CEP350: variants seen among roughly 807,000 people sequenced by gnomAD.
The protein encoded by CEP350 is centrosome-associated protein 350.
Under a neutral mutation model 331.8 loss-of-function variants are expected in CEP350, and 126 were observed. The ratio of observed to expected loss-of-function variants is 0.38; its 90% CI spans 0.33 to 0.44. The LOEUF (loss-of-function observed/expected upper bound fraction) is 0.44. Among genes scored for constraint, CEP350 ranks in the 20% least tolerant of loss-of-function variants. The pLI is 1.00. For missense variants in CEP350, 3,406 were observed against 3,634.6 expected, an observed-to-expected ratio of 0.94 and a Z score of 1.62; for synonymous variants, 1,200 against 1,259.5, an observed-to-expected ratio of 0.95 and a Z score of 1.00.
intron 27 of CEP350, among the ~76,000 whole-genome samples, chr1:180,071,459 CA>C (rs35037785): frequency 0.023 from 1,715 of 76,172 alleles, 18 homozygotes; most frequent in African/African-American, 0.048. Context: ...AACTCCATCT[CA>C]AAAAAAAAAA....
Position 180,052,954 on chromosome 1 carries a change from C to T in CEP350, c.4793-16C>T, listed in dbSNP as rs765734811. 3 of 988,506 alleles carry T rather than the reference C, an allele frequency of 3.0e-6. No homozygotes were observed. The highest frequency in any genetic ancestry group is 2.5e-5 in the East Asian group (1 of 39,816). 61.2% of individuals were successfully genotyped at this position (988,506 alleles called of 1,614,324 possible). On this transcript the variant is annotated splice_polypyrimidine_tract_variant and intron_variant, in intron 22 of 37. Coordinates refer to ENST00000367607, the MANE Select transcript of CEP350 (RefSeq NM_014810.5). ...CAATTATAATGATAAAATCTACTTT[C>T]TCCATATTCTTTTAGACTCAACGTC...
intron 1 of CEP350, among the ~76,000 whole-genome samples, chr1:179,979,574 C>T (rs1353917750): frequency 6.6e-6 from 1 of 151,722 alleles, no homozygotes; most frequent in East Asian, 1.9e-4. Context: ...TTAATTTTTG[C>T]TTTTGTTGCT....
At chr1:179,965,378 G>A (rs1650925917) in intron 1 of CEP350, among the ~76,000 whole-genome samples, 1 of 152,002 alleles carries the variant, frequency 6.6e-6, no homozygotes, top group Non-Finnish European at 1.5e-5. Flanking sequence ...GTGATTTTTG[G>A]GTACAGTATT....
intron 1 of CEP350, among the ~76,000 whole-genome samples, chr1:179,981,655 A>G (rs1652277612): frequency 6.6e-6 from 1 of 152,184 alleles, no homozygotes; most frequent in Non-Finnish European, 1.5e-5. Flanking sequence ...AAGATAGATT[A>G]TTGGCAAATT....
chr1:179,999,415 AAG>A (rs572784093), intron 6 of CEP350, among the ~76,000 whole-genome samples: 30 of 152,186 alleles, frequency 2.0e-4, no homozygotes, highest in African/African-American at 7.2e-4. Flanking sequence ...TACTTTGAAA[AAG>A]GTAGCAAACA....
intron 5 of CEP350, among the ~76,000 whole-genome samples, chr1:179,994,280 GTTTTA>G (rs991128060): frequency 5.3e-5 from 8 of 151,834 alleles, no homozygotes; most frequent in African/African-American, 1.9e-4. Context: ...AACATTTTAT[GTTTTA>G]TTTTATTTTT....
chr1:179,983,846 C>T (rs563081535), intron 1 of CEP350, among the ~76,000 whole-genome samples: 2 of 152,198 alleles, frequency 1.3e-5, no homozygotes, highest in South Asian at 2.1e-4. Context: ...CTGGTAGGTA[C>T]GTGGGCAAAG....
intron 5 of CEP350, among the ~76,000 whole-genome samples, 157 bp from the exon 6 acceptor site, chr1:179,996,396 T>C (rs1447965631): frequency 2.0e-5 from 3 of 152,236 alleles, no homozygotes; most frequent in African/African-American, 7.2e-5. Context: ...TTTTGATATA[T>C]GTATACCTTG....
intron 1 of CEP350, among the ~76,000 whole-genome samples, chr1:179,978,529 C>G (rs1211288418): frequency 6.6e-6 from 1 of 152,052 alleles, no homozygotes; most frequent in Non-Finnish European, 1.5e-5. Flanking sequence ...GCAAATCTCT[C>G]CTAAGCCCCC....
intron 1 of CEP350, among the ~76,000 whole-genome samples, chr1:179,968,482 T>A (rs916620829): frequency 2.0e-5 from 3 of 152,164 alleles, no homozygotes; most frequent in Non-Finnish European, 4.4e-5. Flanking sequence ...TATACTGCAT[T>A]AAGGAGTCAT....
rs1369803302 is a variant in CEP350, at chr1:180,094,179, G to A, written c.8074G>A (p.Glu2692Lys). 7 of 1,613,098 alleles carry A rather than the reference G, an allele frequency of 4.3e-6. No homozygotes were observed. The highest frequency in any genetic ancestry group is 1.3e-5 in the African/African-American group (1 of 74,894). The change falls in exon 34 of 38, where the codon GAA becomes AAA. Residue 2692 changes from glutamate to lysine, a missense_variant. By Grantham distance (56) the Glu-to-Lys change is moderately conservative. Coordinates refer to ENST00000367607, the MANE Select transcript of CEP350 (RefSeq NM_014810.5). ...EDDTLDNTFSEELEKQQQFTE... is the reference protein window; with the variant it reads ...EDDTLDNTFSKELEKQQQFTE... ...TGACACTTTAGACAATACCTTTTCC[G>A]AAGAATTGGAGAAGCAACAGCAGTT...
At chr1:180,004,897 TGC>T (rs879365696) in intron 7 of CEP350, among the ~76,000 whole-genome samples, 2,698 of 49,358 alleles carry the variant, frequency 0.055, 57 homozygotes, top group Admixed American at 0.097. Context: ...CTTGCTTGCT[TGC>T]TTGCTTGCTT....
intron 12 of CEP350, 23 bp downstream of exon 12, chr1:180,021,032 G>T (rs1655290503): frequency 1.4e-6 from 2 of 1,450,658 alleles, no homozygotes; most frequent in Non-Finnish European, 1.8e-6. Context: ...AATATAGCTT[G>T]TACTGTTTGT....
At chr1:180,026,831 A>G (rs1571887393) in intron 14 of CEP350, among the ~76,000 whole-genome samples, 1 of 152,154 alleles carries the variant, frequency 6.6e-6, no homozygotes, top group East Asian at 1.9e-4. Flanking sequence ...ATAATACTCC[A>G]TGCTGTGTGT....
At chr1:180,073,745 C>G (rs899787022) in intron 27 of CEP350, 1 of 1,295,486 alleles carries the variant, frequency 7.7e-7, no homozygotes, top group African/African-American at 1.5e-5. Context: ...CTTCCTGCCT[C>G]TTGATCTCTT....
chr1:180,112,718 A>G lies in CEP350; in HGVS notation c.*1557A>G, dbSNP rs1661519673. 6.6e-6 allele frequency: 1 copy of G among 152,650 alleles called. No homozygotes were observed. 9.5% of individuals were successfully genotyped at this position (152,650 alleles called of 1,614,324 possible). On this transcript the variant is annotated 3_prime_UTR_variant, in exon 38 of 38. Transcript: ENST00000367607. ...TCCTGGAATGTTATAGCTTCAAAGT[A>G]TATTAGAAAAACCCCAAAGATGGTA...
At chr1:180,110,349 C>A (rs1213454977) in intron 37 of CEP350, among the ~76,000 whole-genome samples, 1 of 152,134 alleles carries the variant, frequency 6.6e-6, no homozygotes, top group Admixed American at 6.5e-5. Context: ...GAATTTTGAT[C>A]TTTTCCTGGG....
intron 25 of CEP350, among the ~76,000 whole-genome samples, chr1:180,057,393 G>A (rs562133005): frequency 6.6e-6 from 1 of 152,124 alleles, no homozygotes; most frequent in South Asian, 2.1e-4. Context: ...GAGCCACCGT[G>A]CCTGGCCTAC....
At chr1:180,089,018 A>G (rs1660020154) in intron 32 of CEP350, among the ~76,000 whole-genome samples, 1 of 151,974 alleles carries the variant, frequency 6.6e-6, no homozygotes, top group Non-Finnish European at 1.5e-5. Context: ...TTACATATGT[A>G]TTTTTCCATT....
Sources: gnomAD v4.1 joint callset for allele counts (sites outside exome capture counted in the v4.1 genomes callset) on GRCh38, gnomAD v4.1.1 for gene constraint, MANE v1.5 for transcripts, NCBI Gene and HGNC (gene_info 2026-07-23, HGNC 2026-07-21) for gene names.